The following KCNMA1 variants were observed in gnomAD, a reference collection of about 807,000 sequenced individuals.
The protein encoded by KCNMA1 is Calcium-activated potassium channel subunit alpha-1.
Under a neutral mutation model 140.0 loss-of-function variants are expected in KCNMA1, and 29 were observed. The observed-to-expected ratio is 0.21, with a 90% CI of 0.15 to 0.28. The LOEUF is 0.28. KCNMA1 is among the 10% of genes least tolerant of loss of function. The pLI is 1.00. For missense variants in KCNMA1, 880 were observed against 1,602.2 expected (o/e 0.55, Z 7.70); for synonymous variants, 612 against 611.9 (o/e 1.00, Z 0.00).
At chr10:77,079,426 G>C in intron 13 of KCNMA1, 55 bp downstream of exon 13, 1 of 935,238 alleles carries the variant, frequency 1.1e-6, no homozygotes, top group South Asian at 1.3e-5. Flanking sequence ...TGAGGAAGAA[G>C]AGGCTGGACC....
At chr10:77,329,733 T>C (rs952429847) in intron 2 of KCNMA1, among the ~76,000 whole-genome samples, 5 of 152,156 alleles carry the variant, frequency 3.3e-5, no homozygotes, top group African/African-American at 1.2e-4. Flanking sequence ...ACAGAAAATA[T>C]TTAGTAGGAG....
At chr10:77,013,306 G>A (rs74948619) in intron 17 of KCNMA1, among the ~76,000 whole-genome samples, 3,090 of 152,174 alleles carry the variant, frequency 0.02, 228 homozygotes, top group Admixed American at 0.15. Flanking sequence ...GGACTGCCCA[G>A]TCATTCCATG....
intron 1 of KCNMA1, among the ~76,000 whole-genome samples, chr10:77,494,238 T>C (rs1219222145): frequency 1.3e-5 from 2 of 152,156 alleles, no homozygotes; most frequent in African/African-American, 4.8e-5. Context: ...ATCTGGCATT[T>C]CGCCAATTGG....
intron 23 of KCNMA1, among the ~76,000 whole-genome samples, chr10:76,934,739 T>C (rs61867153): frequency 0.02 from 3,101 of 152,242 alleles, 33 homozygotes; most frequent in Non-Finnish European, 0.033. Flanking sequence ...AGAGGGTCCA[T>C]GGGATTACAA....
chr10:76,875,017 C>G (rs1043276180), downstream of KCNMA1: 2 of 152,150 alleles, frequency 1.3e-5, no homozygotes, highest in Non-Finnish European at 2.9e-5. Flanking sequence ...TGGTCTCAGG[C>G]GGATGTAGGC....
chr10:76,981,765 T>A (rs570742684), intron 19 of KCNMA1, among the ~76,000 whole-genome samples: 100 of 152,328 alleles, frequency 6.6e-4, no homozygotes, highest in Non-Finnish European at 1.1e-3. Flanking sequence ...GCACTTCTGA[T>A]CTCATGCCTT....
intron 19 of KCNMA1, among the ~76,000 whole-genome samples, chr10:76,977,229 G>T (rs2077899874): frequency 6.6e-6 from 1 of 152,174 alleles, no homozygotes; most frequent in South Asian, 2.1e-4. Flanking sequence ...GGCACCAACA[G>T]CTGCTTCTTT....
intron 2 of KCNMA1, among the ~76,000 whole-genome samples, chr10:77,356,293 A>G (rs1425097758): frequency 6.6e-6 from 1 of 152,258 alleles, no homozygotes; most frequent in Non-Finnish European, 1.5e-5. Context: ...TGTGAAAAAT[A>G]TCAATAACGG....
At chr10:77,145,675 G>A (rs1225998320) in intron 5 of KCNMA1, among the ~76,000 whole-genome samples, 1 of 152,204 alleles carries the variant, frequency 6.6e-6, no homozygotes, top group Non-Finnish European at 1.5e-5. Flanking sequence ...TAAAAATATT[G>A]ACCAAGAAAT....
At chr10:77,430,992 T>A (rs585895) in intron 1 of KCNMA1, among the ~76,000 whole-genome samples, 69,097 of 152,008 alleles carry the variant, frequency 0.45, 16,468 homozygotes, top group African/African-American at 0.59. Context: ...TGGGAAATAT[T>A]CTACCCTGGC....
intron 9 of KCNMA1, among the ~76,000 whole-genome samples, chr10:77,099,991 T>C (rs1237041201): frequency 6.6e-6 from 1 of 152,230 alleles, no homozygotes; most frequent in East Asian, 1.9e-4. Flanking sequence ...TTCCCTCTAA[T>C]GTCTCTTGCT....
At chr10:77,072,746 G>A (rs188612371) in intron 14 of KCNMA1, among the ~76,000 whole-genome samples, 64 of 152,232 alleles carry the variant, frequency 4.2e-4, no homozygotes, top group African/African-American at 1.5e-3. Context: ...ATATAAAAGA[G>A]CAAAATGATA....
exon 28 of KCNMA1, chr10:76,870,787 CGAGTGACT>C (rs1161907820): frequency 6.6e-6 from 1 of 152,204 alleles, no homozygotes; most frequent in Non-Finnish European, 1.5e-5. Flanking sequence ...ACATAGTGGC[CGAGTGACT>C]GCCCACGTGG....
At chr10:77,403,489 C>T (rs2096353354) in intron 2 of KCNMA1, among the ~76,000 whole-genome samples, 1 of 152,158 alleles carries the variant, frequency 6.6e-6, no homozygotes, top group Non-Finnish European at 1.5e-5. Flanking sequence ...TCACTCAGCA[C>T]TCCCCAGGAT....
At chr10:77,569,752 C>A (rs912442757) in intron 1 of KCNMA1, among the ~76,000 whole-genome samples, 186 of 152,180 alleles carry the variant, frequency 1.2e-3, no homozygotes, top group African/African-American at 4.0e-3. Flanking sequence ...TAATTAAACT[C>A]AAGAGCTTCT....
At chr10:77,337,087 A>C (rs1469808804) in intron 2 of KCNMA1, among the ~76,000 whole-genome samples, 1 of 152,172 alleles carries the variant, frequency 6.6e-6, no homozygotes, top group African/African-American at 2.4e-5. Flanking sequence ...ACTCGGAGAC[A>C]AGTCATCTGT....
At chr10:76,918,941 CACACACAT>C (rs750154706) in intron 23 of KCNMA1, among the ~76,000 whole-genome samples, 16 of 150,494 alleles carry the variant, frequency 1.1e-4, no homozygotes, top group South Asian at 8.5e-4. Flanking sequence ...CACACACACA[CACACACAT>C]ATATATGTGA....
chr10:77,323,525 C>T (rs972287228), intron 2 of KCNMA1, among the ~76,000 whole-genome samples: 2 of 152,176 alleles, frequency 1.3e-5, no homozygotes, highest in Non-Finnish European at 2.9e-5. Flanking sequence ...GTGAGATTTC[C>T]TCTGTCCCCA....
chr10:77,209,769 G>C (rs1189738942), intron 3 of KCNMA1, among the ~76,000 whole-genome samples: 11 of 152,172 alleles, frequency 7.2e-5, no homozygotes, highest in Non-Finnish European at 2.9e-5. Flanking sequence ...AGACTATTAT[G>C]AATACCTCTA....
Sources: allele counts gnomAD v4.1 joint callset (sites outside exome capture counted in the v4.1 genomes callset), GRCh38; gene constraint gnomAD v4.1.1; transcripts MANE v1.5; gene names NCBI Gene and HGNC (gene_info 2026-07-23, HGNC 2026-07-21).